The following ZNF875 variants were observed in gnomAD, a reference collection of about 807,000 sequenced individuals.
ZNF875 encodes the protein HKR1, GLI-Kruppel zinc finger family member.
ZNF875 carries 14 observed loss-of-function variants against 11.2 expected under a neutral mutation model. That is an observed-to-expected ratio of 1.26 (90% CI 0.83 to 1.96). The LOEUF (loss-of-function observed/expected upper bound fraction) is 1.96, where lower values mean the gene tolerates loss of function less well. Ranked by LOEUF, ZNF875 falls within the 30% of genes most tolerant of loss-of-function variation. The probability of loss-of-function intolerance (pLI) is 0.00; values close to 1 mark genes in which losing one functional copy is unlikely to be tolerated. For missense variants in ZNF875, 752 were observed against 760.4 expected (o/e 0.99, Z 0.13); for synonymous variants, 301 against 281.1 (o/e 1.07, Z -0.71).
At chr19:37,358,909 T>TA (rs200423362) in intron 4 of ZNF875, among the ~76,000 whole-genome samples, 2,512 of 147,998 alleles carry the variant, frequency 0.017, 66 homozygotes, top group African/African-American at 0.061. Flanking sequence ...ATATATATAT[T>TA]TTTTTTTTGA....
At chr19:37,330,335 A>AATG (rs1447956448), upstream of ZNF875, among the ~76,000 whole-genome samples, 2 of 152,128 alleles carry the variant, frequency 1.3e-5, no homozygotes, top group Non-Finnish European at 2.9e-5. Flanking sequence ...GGAAAGGCTC[A>AATG]ACACTTGACT....
chr19:37,347,230 A>G lies in ZNF875; in HGVS notation c.74A>G (p.Gln25Arg). ...AGGGATGTGGCTGTGTACTTCACCC[A>G]GGAGGAGTGGAGGTTGTTGAGCCCT... Reference protein sequence around the residue: ...AFRDVAVYFTQEEWRLLSPAQ... With the variant: ...AFRDVAVYFTREEWRLLSPAQ... Residue 25 changes from glutamine to arginine, a missense_variant, in exon 3 of 5, where the codon CAG becomes CGG. Transcript: ENST00000392153. The G allele has an allele frequency of 1.2e-6, 2 of 1,614,160 alleles. No homozygotes were observed. Among genetic ancestry groups the G allele is most frequent in the South Asian group, 1.1e-5 (1 of 91,084 alleles).
At chr19:37,343,777 A>G (rs1261855419) in intron 2 of ZNF875, among the ~76,000 whole-genome samples, 4 of 152,142 alleles carry the variant, frequency 2.6e-5, no homozygotes, top group Non-Finnish European at 5.9e-5. Context: ...AGGAGACTGC[A>G]TGAAGGGTAG....
chr19:37,347,121 CCT>C (rs1313267081), intron 2 of ZNF875, 67 bp from the exon 3 acceptor site: 1 of 1,608,166 alleles, frequency 6.2e-7, no homozygotes, highest in Non-Finnish European at 8.5e-7. Flanking sequence ...CTGGCCTTGA[CCT>C]CTCATTCTAA....
Position 37,362,266 on chromosome 19 carries a change from T to C in ZNF875, c.414T>C (p.Asp138=). Residue 138 remains aspartate, a synonymous_variant, in exon 5 of 5, where the codon GAT becomes GAC. Transcript: ENST00000392153. ...PLHLGKHYPE[D]QKQQQDPFCF... is the part of the protein sequence containing the mutation. ...ACCTGGGAAAACACTATCCAGAAGA[T>C]CAGAAACAACAGCAGGATCCATTCT... 6 of 1,614,028 alleles carry C rather than the reference T, an allele frequency of 3.7e-6. No individual in the cohort carries two copies. The highest frequency in any genetic ancestry group is 5.1e-6 in the Non-Finnish European group (6 of 1,180,008).
At chr19:37,333,387 G>A (rs140611990), upstream of ZNF875, among the ~76,000 whole-genome samples, 191 of 152,122 alleles carry the variant, frequency 1.3e-3, 3 homozygotes, top group African/African-American at 4.4e-3. Context: ...ATCTTTGGCC[G>A]GGTCATTTAC....
chr19:37,344,845 G>T, intron 2 of ZNF875: 1 of 960,598 alleles, frequency 1.0e-6, no homozygotes, highest in South Asian at 1.3e-5. Flanking sequence ...ATTTTCAAGG[G>T]GTGTATGTGT....
chr19:37,347,145 G>C (rs1439198747), intron 2 of ZNF875, 45 bp from the exon 3 acceptor site: 1 of 1,612,716 alleles, frequency 6.2e-7, no homozygotes, highest in South Asian at 1.1e-5. Flanking sequence ...GTGTGGGAGG[G>C]AAAGACAGGC....
At chr19:37,330,795 C>T (rs529949440), upstream of ZNF875, among the ~76,000 whole-genome samples, 1 of 152,254 alleles carries the variant, frequency 6.6e-6, no homozygotes, top group African/African-American at 2.4e-5. Flanking sequence ...ACCACACCAC[C>T]CTCTGTCCCC....
At position 37,362,812 on chromosome 19, in the gene ZNF875, T is replaced by A. The variant is rs147945768; in HGVS notation, c.960T>A (p.Thr320=). 354 of 1,612,200 alleles carry A rather than the reference T, an allele frequency of 2.2e-4. No individual in the cohort carries two copies. Among genetic ancestry groups the A allele is most frequent in the Non-Finnish European group, 2.9e-4 (342 of 1,179,542 alleles). ...GCAAGGATTGTGGACGAGGCTTTAC[T>A]TGGAAGTCGAACCTCTTTACACATC... is the stretch of plus-strand genomic sequence containing the variant. ...YVCKDCGRGF[T]WKSNLFTHQR... The change falls in exon 5 of 5, where the codon ACT becomes ACA. Residue 320 remains threonine, a synonymous_variant. Transcript: ENST00000392153.
At chr19:37,350,791 T>G (rs547939728) in intron 4 of ZNF875, among the ~76,000 whole-genome samples, 1 of 145,392 alleles carries the variant, frequency 6.9e-6, no homozygotes, top group African/African-American at 2.5e-5. Context: ...TCACTATAAT[T>G]CTTTTTGCTT....
chr19:37,319,662 C>T (rs772378555), intron 1 of ZNF875, among the ~76,000 whole-genome samples: 3 of 152,072 alleles, frequency 2.0e-5, no homozygotes, highest in East Asian at 3.9e-4. Context: ...TAATGTTTCT[C>T]CTTGATATTT....
intron 2 of ZNF875, among the ~76,000 whole-genome samples, chr19:37,344,136 T>G (rs2036313113): frequency 6.6e-6 from 1 of 152,134 alleles, no homozygotes; most frequent in African/African-American, 2.4e-5. Context: ...AATATCGATT[T>G]TATAGGAAAT....
At chr19:37,325,580 T>G (rs2032293565) in intron 4 of ZNF875, among the ~76,000 whole-genome samples, 1 of 151,944 alleles carries the variant, frequency 6.6e-6, no homozygotes, top group Non-Finnish European at 1.5e-5. Flanking sequence ...GGGTCTTGCT[T>G]TGTTGCCCAG....
Position 37,363,754 on chromosome 19 carries a change from T to G in ZNF875, c.1902T>G (p.His634Gln). ...GFSRKSNLIR[H>Q]QRTHSG Reference sequence around the variant, plus strand: ...GTCGGAAGTCCAACCTTATCAGACATCAGAGGACACACTCAGGATAGAAAC... The same window carrying G: ...GTCGGAAGTCCAACCTTATCAGACAGCAGAGGACACACTCAGGATAGAAAC... The change falls in exon 5 of 5, where the codon CAT becomes CAG. Residue 634 changes from histidine to glutamine, a missense_variant. Physicochemically the swap from His to Gln is conservative, Grantham distance 24. Coordinates refer to ENST00000392153, the MANE Select transcript of ZNF875 (RefSeq NM_001353803.2). 6.2e-7 allele frequency: 1 copy of G among 1,612,790 alleles called. No individual in the cohort carries two copies. The highest frequency in any genetic ancestry group is 8.5e-7 in the Non-Finnish European group (1 of 1,179,456).
At position 37,362,092 on chromosome 19, in the gene ZNF875, T is replaced by C; in HGVS notation, c.257-17T>C. The stretch of plus-strand genomic sequence containing the variant: ...GCCCTACCTATGGCCCCTCTGAAAA[T>C]GTTCTTTCTTCAGCAGAATCGAAGC... On this transcript the variant is annotated splice_polypyrimidine_tract_variant and intron_variant, in intron 4 of 4. Coordinates refer to ENST00000392153, the MANE Select transcript of ZNF875 (RefSeq NM_001353803.2). 2 of 1,588,332 alleles carry C rather than the reference T, an allele frequency of 1.3e-6. No homozygotes were observed. Among genetic ancestry groups the C allele is most frequent in the Non-Finnish European group, 8.6e-7 (1 of 1,163,338 alleles).
chr19:37,321,078 T>C (rs1385879877), intron 1 of ZNF875, among the ~76,000 whole-genome samples: 1 of 152,116 alleles, frequency 6.6e-6, no homozygotes, highest in South Asian at 2.1e-4. Flanking sequence ...CACAAAACAC[T>C]GTGTAAGGCC....
In ZNF875 at chr19:37,335,156, T is replaced by C. The variant is rs1465901337; in HGVS notation, c.-56-13T>C. 13 of 698,784 alleles carry C rather than the reference T, an allele frequency of 1.9e-5. No individual in the cohort carries two copies. The highest frequency in any genetic ancestry group is 4.0e-5 in the Admixed American group (2 of 49,904). 43.3% of individuals were successfully genotyped at this position (698,784 alleles called of 1,614,324 possible). A position where few individuals can be genotyped will look rare whatever the true frequency, so the allele number is the denominator to read the frequency against. On this transcript the variant is annotated splice_polypyrimidine_tract_variant and intron_variant, in intron 1 of 4. Coordinates refer to ENST00000392153, the MANE Select transcript of ZNF875 (RefSeq NM_001353803.2). Reference sequence around the variant, plus strand: ...TCCACCTAGGCCACTCTTATTTCTCTTCACATCCCCAGATCTGTCTTCTGA... The same window carrying C: ...TCCACCTAGGCCACTCTTATTTCTCCTCACATCCCCAGATCTGTCTTCTGA...
chr19:37,313,865 G>T (rs1439230606), upstream of ZNF875, among the ~76,000 whole-genome samples: 1 of 151,816 alleles, frequency 6.6e-6, no homozygotes, highest in African/African-American at 2.4e-5. Flanking sequence ...CATCTTTAAA[G>T]GCCTTACTCC....
Sources: allele counts gnomAD v4.1 joint callset (sites outside exome capture counted in the v4.1 genomes callset), GRCh38; gene constraint gnomAD v4.1.1; transcripts MANE v1.5; gene names NCBI Gene and HGNC (gene_info 2026-07-23, HGNC 2026-07-21).